CCDC191: variants seen among roughly 807,000 people sequenced by gnomAD.
CCDC191 encodes the protein coiled-coil domain containing 191.
A neutral mutation model predicts 114.0 loss-of-function variants in CCDC191; 99 were observed. The observed-to-expected ratio is 0.87, with a 90% CI of 0.74 to 1.03. The LOEUF is 1.03. Among genes scored for constraint, CCDC191 ranks in the 50% least tolerant of loss-of-function variants. The pLI is 0.00. For missense variants in CCDC191, 973 were observed against 1,087.0 expected (o/e 0.90, Z 1.47); for synonymous variants, 351 against 376.0 (o/e 0.93, Z 0.77).
chr3:114,002,768 A>C, intron 11 of CCDC191: 12 of 926,426 alleles, frequency 1.3e-5, no homozygotes, highest in Non-Finnish European at 1.4e-5. Flanking sequence ...TTTATAAATT[A>C]ATTATTTTGT....
At position 114,034,954 on chromosome 3, in the gene CCDC191, C is replaced by G. The variant is rs61741386; in HGVS notation, c.789G>C (p.Arg263Ser). Residue 263 changes from arginine to serine, a missense_variant, in exon 6 of 17, where the codon AGG becomes AGC. Arg to Ser is a moderately radical substitution (Grantham distance 110). Coordinates refer to ENST00000295878, the MANE Select transcript of CCDC191 (RefSeq NM_020817.2). ...MVKLRREIIE[R>S]RRTVKAAWKI... ...TCCATGCTGCTTTCACAGTGCGTCT[C>G]CTCTCAATTATCTCCCTCCGCAGCT... 2 of 1,613,972 alleles carry G rather than the reference C, an allele frequency of 1.2e-6. No individual in the cohort carries two copies. Among genetic ancestry groups the G allele is most frequent in the South Asian group, 2.2e-5 (2 of 91,076 alleles).
chr3:114,046,852 AT>A, intron 2 of CCDC191, 120 bp from the exon 3 acceptor site: 1 of 1,392,412 alleles, frequency 7.2e-7, no homozygotes, highest in Non-Finnish European at 9.3e-7. Context: ...TCATTTTTCC[AT>A]TTTTGGAGAA....
intron 8 of CCDC191, among the ~76,000 whole-genome samples, chr3:114,012,168 T>C (rs1345341701): frequency 6.6e-6 from 1 of 152,160 alleles, no homozygotes. Flanking sequence ...CTTTTAAACC[T>C]TTTTTTGACT....
At chr3:114,002,358 A>G (rs2075870710) in intron 12 of CCDC191, 98 bp downstream of exon 12, 5 of 807,382 alleles carry the variant, frequency 6.2e-6, no homozygotes, top group African/African-American at 5.3e-5. Context: ...ATGTAACTCT[A>G]TTGTCTCAGG....
Position 113,995,288 on chromosome 3 carries a change from G to A in CCDC191, c.2163+6307C>T, listed in dbSNP as rs180775343. Among the ~76,000 whole-genome samples the A allele has an allele frequency of 2.4e-4, 36 of 152,212 alleles. No individual in the cohort carries two copies. The East Asian group carries it at 2.9e-3, about 12-fold the overall frequency. On this transcript the variant is annotated intron_variant, in intron 13 of 16. Coordinates refer to ENST00000295878, the MANE Select transcript of CCDC191 (RefSeq NM_020817.2). The stretch of plus-strand genomic sequence containing the variant: ...CACAATATATCCATGTAACAAAACC[G>A]CATTTATACCCCCTAAATCTATAAA...
At chr3:113,979,075 A>G in intron 14 of CCDC191, 65 bp from the exon 15 acceptor site, 1 of 1,452,430 alleles carries the variant, frequency 6.9e-7, no homozygotes. Flanking sequence ...CAAACACATC[A>G]CCTTTGGAAA....
rs752372708 is a variant in CCDC191, at chr3:113,978,270, A to G, written c.2522T>C (p.Ile841Thr). Residue 841 changes from isoleucine (I) to threonine (T), a missense_variant, in exon 16 of 17, where the codon ATT becomes ACT. Ile to Thr is a moderately conservative substitution (Grantham distance 89). Coordinates refer to ENST00000295878, the MANE Select transcript of CCDC191 (RefSeq NM_020817.2). ...GACCATGTTAAACCAGGCCCTGAAA[A>G]TCTTCTTTTGAAGAAAATGTACACA... ...KFCVHFLQKK[I>T]FRAWFNMVRE... 1 of 1,614,050 alleles carries G rather than the reference A, an allele frequency of 6.2e-7. No homozygotes were observed. Among genetic ancestry groups the G allele is most frequent in the South Asian group, 1.1e-5 (1 of 91,082 alleles).
At chr3:113,991,151 G>A (rs1192275476) in intron 13 of CCDC191, among the ~76,000 whole-genome samples, 2 of 150,714 alleles carry the variant, frequency 1.3e-5, no homozygotes, top group East Asian at 3.9e-4. Flanking sequence ...CAGGAGAATC[G>A]CTTGAACTCG....
intron 13 of CCDC191, among the ~76,000 whole-genome samples, chr3:113,990,802 T>TA (rs899295206): frequency 4.0e-5 from 6 of 149,846 alleles, no homozygotes; most frequent in South Asian, 2.1e-4. Flanking sequence ...AAACATAATA[T>TA]AAAAAAAAGG....
At position 114,056,378 on chromosome 3, in the gene CCDC191, T is replaced by G. The variant is rs188278742; in HGVS notation, c.89A>C (p.Lys30Thr). The G allele has an allele frequency of 9.3e-4, 1,496 of 1,614,092 alleles. 5 individuals carry two copies. Among genetic ancestry groups the G allele is most frequent in the Middle Eastern group, 4.8e-3 (29 of 6,062 alleles). ...WKRFTRKPSP[K>T]PTFGPDSVEH... ...TCCAAAGCTCTCGATTGGGATCACC[T>G]TGGGACTCGGCTTCCTTGTGAACCG... Residue 30 changes from lysine (K) to threonine (T), a missense_variant and splice_region_variant, in exon 1 of 17, where the codon AAG becomes ACG. Physicochemically the swap from Lys to Thr is moderately conservative, Grantham distance 78. Coordinates refer to ENST00000295878, the MANE Select transcript of CCDC191 (RefSeq NM_020817.2).
intron 16 of CCDC191, among the ~76,000 whole-genome samples, chr3:113,972,070 A>G (rs545746401): frequency 8.9e-4 from 136 of 151,982 alleles, no homozygotes; most frequent in Admixed American, 4.1e-3. Flanking sequence ...GTCTCAATTC[A>G]TTTATTTCTG....
At chr3:114,056,581 T>C (rs772618046), upstream of CCDC191, 16 of 1,596,144 alleles carry the variant, frequency 1.0e-5, no homozygotes, top group Admixed American at 6.8e-5. Context: ...AAAGCAGGCA[T>C]AGGACACCGT....
intron 7 of CCDC191, among the ~76,000 whole-genome samples, chr3:114,028,321 T>C (rs2076354607): frequency 6.7e-6 from 1 of 149,482 alleles, no homozygotes; most frequent in South Asian, 2.1e-4. Context: ...AGTCTCGCTC[T>C]GTCGCCCAGG....
At chr3:113,980,834 G>T in intron 13 of CCDC191, 41 bp from the exon 14 acceptor site, 1 of 1,546,318 alleles carries the variant, frequency 6.5e-7, no homozygotes, top group South Asian at 1.2e-5. Flanking sequence ...ATCAAAAAAC[G>T]AATGAGTTTC....
intron 16 of CCDC191, among the ~76,000 whole-genome samples, chr3:113,966,931 T>G (rs1380238698): frequency 6.6e-6 from 1 of 151,924 alleles, no homozygotes; most frequent in Non-Finnish European, 1.5e-5. Context: ...AAACCCCATC[T>G]CTACTAAAAA....
Position 114,053,626 on chromosome 3 carries a change from CA to C in CCDC191, c.99del (p.Phe33LeufsTer10). On this transcript the variant is annotated frameshift_variant, in exon 2 of 17. Coordinates refer to ENST00000295878, the MANE Select transcript of CCDC191 (RefSeq NM_020817.2). LOFTEE classifies it high-confidence loss of function. ...ATCCAGTGTTCCACACTGTCAGGAC[CA>C]AAAGTAGGCTGTAGATAACATATAT... is the stretch of plus-strand genomic sequence containing the variant. ...FTRKPSPKPT[F>X]GPDSVEHWIK... The C allele has an allele frequency of 6.3e-7, 1 of 1,588,526 alleles. No homozygotes were observed. The highest frequency in any genetic ancestry group is 8.6e-7 in the Non-Finnish European group (1 of 1,160,260).
chr3:113,982,732 C>T lies in CCDC191; in HGVS notation c.2164-1939G>A, dbSNP rs140650325. Among the ~76,000 whole-genome samples the T allele has an allele frequency of 2.5e-3, 386 of 152,088 alleles. 5 individuals carry two copies. Among genetic ancestry groups the T allele is most frequent in the Admixed American group, 7.5e-3 (115 of 15,268 alleles). Reference sequence around the variant, plus strand: ...CTCCCTTTGTGCTCTAGAATATATTCCTGCTTACCCACTCCTGTGATTTAT... The same window carrying T: ...CTCCCTTTGTGCTCTAGAATATATTTCTGCTTACCCACTCCTGTGATTTAT... On this transcript the variant is annotated intron_variant, in intron 13 of 16. Transcript: ENST00000295878.
intron 13 of CCDC191, among the ~76,000 whole-genome samples, chr3:113,982,918 T>C (rs1186866383): frequency 6.6e-6 from 1 of 151,596 alleles, no homozygotes; most frequent in African/African-American, 2.4e-5. Flanking sequence ...ACCATGAGTA[T>C]AGATGCGGAT....
chr3:114,048,688 C>T (rs1478228306), intron 2 of CCDC191, among the ~76,000 whole-genome samples: 2 of 152,130 alleles, frequency 1.3e-5, no homozygotes, highest in Non-Finnish European at 2.9e-5. Flanking sequence ...AAACTGTAAA[C>T]ACTCTCCTCC....
Sources: gnomAD v4.1 joint callset for allele counts (sites outside exome capture counted in the v4.1 genomes callset) on GRCh38, gnomAD v4.1.1 for gene constraint, MANE v1.5 for transcripts, NCBI Gene and HGNC (gene_info 2026-07-23, HGNC 2026-07-21) for gene names.